The following SEMA6D variants were observed in gnomAD, a reference collection of about 807,000 sequenced individuals.
SEMA6D encodes the protein semaphorin 6D, also known as semaphorin-6D.
A neutral mutation model predicts 106.6 loss-of-function variants in SEMA6D; 35 were observed. The ratio of observed to expected loss-of-function variants is 0.33; its 90% CI spans 0.25 to 0.44. The LOEUF is 0.44. SEMA6D is among the 20% of genes least tolerant of loss of function. The probability of loss-of-function intolerance (pLI) is 1.00; values close to 1 mark genes in which losing one functional copy is unlikely to be tolerated. For synonymous variants in SEMA6D, 499 were observed against 487.7 expected (o/e 1.02, Z -0.31); for missense variants, 1,185 against 1,345.9 (o/e 0.88, Z 1.87).
At chr15:47,756,682 C>G (rs1376331574) in intron 1 of SEMA6D, among the ~76,000 whole-genome samples, 32 of 152,076 alleles carry the variant, frequency 2.1e-4, no homozygotes, top group Admixed American at 2.1e-3. Flanking sequence ...TTCAGCATAA[C>G]TAGTATCATG....
At chr15:47,564,383 G>A (rs1337781467) in intron 3 of SEMA6D, among the ~76,000 whole-genome samples, 2 of 152,180 alleles carry the variant, frequency 1.3e-5, no homozygotes, top group East Asian at 3.9e-4. Flanking sequence ...TTCTTCATTT[G>A]TGATGTGATA....
chr15:47,769,354 G>A (rs989617878), intron 18 of SEMA6D, among the ~76,000 whole-genome samples: 1 of 152,026 alleles, frequency 6.6e-6, no homozygotes, highest in Admixed American at 6.6e-5. Context: ...ACTAAACTAT[G>A]GTATCAGGTT....
At chr15:47,351,233 G>C (rs925722053) in intron 1 of SEMA6D, among the ~76,000 whole-genome samples, 5 of 152,112 alleles carry the variant, frequency 3.3e-5, no homozygotes, top group Admixed American at 3.3e-4. Context: ...GAAGAATTCT[G>C]TAAGTATGCC....
chr15:47,311,952 T>G (rs1237627137), intron 1 of SEMA6D, among the ~76,000 whole-genome samples: 4 of 152,166 alleles, frequency 2.6e-5, no homozygotes, highest in Admixed American at 2.6e-4. Context: ...GACTTTCCAG[T>G]TTGCCATCTT....
At chr15:47,243,038 C>G (rs933541669) in intron 1 of SEMA6D, among the ~76,000 whole-genome samples, 2 of 152,084 alleles carry the variant, frequency 1.3e-5, no homozygotes, top group African/African-American at 4.8e-5. Context: ...CCTGGAAACA[C>G]ACACAATCAC....
At chr15:47,207,863 A>T (rs1895179204) in intron 1 of SEMA6D, among the ~76,000 whole-genome samples, 1 of 152,080 alleles carries the variant, frequency 6.6e-6, no homozygotes, top group Non-Finnish European at 1.5e-5. Context: ...GAGGACTAAG[A>T]TGTCCATTTT....
chr15:47,378,960 A>G (rs576081795), intron 1 of SEMA6D, among the ~76,000 whole-genome samples: 4 of 152,302 alleles, frequency 2.6e-5, no homozygotes, highest in Admixed American at 6.5e-5. Flanking sequence ...TCGTTTTCCC[A>G]GATAATTCTC....
intron 1 of SEMA6D, among the ~76,000 whole-genome samples, chr15:47,191,178 C>CATATAT (rs71425589): frequency 2.8e-4 from 41 of 148,704 alleles, no homozygotes; most frequent in Admixed American, 1.6e-3. Context: ...TGTCTCAAAA[C>CATATAT]ATATATATAT....
chr15:47,269,384 G>T (rs1178622244), intron 1 of SEMA6D, among the ~76,000 whole-genome samples: 1 of 150,770 alleles, frequency 6.6e-6, no homozygotes, highest in Admixed American at 6.6e-5. Context: ...AAGAATTATA[G>T]TTAAAAAATA....
chr15:47,321,113 C>T (rs911931080), intron 1 of SEMA6D, among the ~76,000 whole-genome samples: 2 of 152,074 alleles, frequency 1.3e-5, no homozygotes, highest in African/African-American at 4.8e-5. Flanking sequence ...CAGTATTAAC[C>T]AGATAAAAAT....
At chr15:47,199,037 T>C (rs1468835470) in intron 1 of SEMA6D, among the ~76,000 whole-genome samples, 1 of 152,222 alleles carries the variant, frequency 6.6e-6, no homozygotes, top group African/African-American at 2.4e-5. Context: ...CTATTGGTTT[T>C]GCCTTTGTGC....
intron 1 of SEMA6D, among the ~76,000 whole-genome samples, chr15:47,405,040 G>A (rs1308827243): frequency 6.6e-6 from 1 of 152,094 alleles, no homozygotes; most frequent in East Asian, 1.9e-4. Flanking sequence ...GTCCCTAGGG[G>A]GAGAAGTGAG....
chr15:47,550,845 A>T lies in SEMA6D; in HGVS notation c.-86-50020A>T, dbSNP rs926433446. 6.6e-5 allele frequency among the ~76,000 whole-genome samples: 10 copies of T among 152,292 alleles called. No individual in the cohort carries two copies. The South Asian group carries it at 1.7e-3, about 25-fold the overall frequency. ...AACCTCAAGGAGCTCACAACTTGTG[A>T]TTACTGTCCCAAGCAGAAACATCCC... On this transcript the variant is annotated intron_variant, in intron 3 of 19. Transcript: ENST00000558014.
intron 3 of SEMA6D, among the ~76,000 whole-genome samples, chr15:47,545,747 A>G (rs1437847291): frequency 1.3e-5 from 2 of 152,140 alleles, no homozygotes; most frequent in African/African-American, 4.8e-5. Context: ...TCTGTTACTC[A>G]GAGGACAGAA....
intron 1 of SEMA6D, among the ~76,000 whole-genome samples, chr15:47,721,039 A>G (rs1467792558): frequency 6.6e-6 from 1 of 152,242 alleles, no homozygotes; most frequent in Non-Finnish European, 1.5e-5. Context: ...CAGTTGGGGT[A>G]TGCCAACTAG....
chr15:47,268,261 G>A (rs984511203), intron 1 of SEMA6D, among the ~76,000 whole-genome samples: 5 of 152,182 alleles, frequency 3.3e-5, no homozygotes, highest in African/African-American at 9.6e-5. Context: ...ATTCTAAAAT[G>A]CAGCAAAGTG....
intron 1 of SEMA6D, among the ~76,000 whole-genome samples, chr15:47,346,785 G>T (rs1435536139): frequency 6.6e-6 from 1 of 151,990 alleles, no homozygotes; most frequent in Admixed American, 6.6e-5. Flanking sequence ...ATTAAAAAAA[G>T]AAGTTAATAC....
intron 2 of SEMA6D, among the ~76,000 whole-genome samples, chr15:47,468,465 C>G (rs1567100915): frequency 6.6e-6 from 1 of 152,050 alleles, no homozygotes; most frequent in East Asian, 1.9e-4. Flanking sequence ...AAGCTCGGCT[C>G]TGAGAAAGGA....
chr15:47,764,233 G>T lies in SEMA6D; in HGVS notation c.1025G>T (p.Gly342Val). ...GATGACATTGAAAAAGTATTCAAAG[G>T]ACGGTTTAAGGAACAGAAAACTCCA... Reference protein sequence around the residue: ...SMDDIEKVFKGRFKEQKTPDS... With the variant: ...SMDDIEKVFKVRFKEQKTPDS... Residue 342 changes from glycine (G) to valine (V), a missense_variant, in exon 11 of 19, where the codon GGA becomes GTA. Physicochemically the swap from Gly to Val is moderately radical, Grantham distance 109. Transcript: ENST00000536845. The T allele has an allele frequency of 6.2e-7, 1 of 1,613,828 alleles. No homozygotes were observed. Among genetic ancestry groups the T allele is most frequent in the South Asian group, 1.1e-5 (1 of 91,062 alleles).
Sources: allele counts gnomAD v4.1 joint callset (sites outside exome capture counted in the v4.1 genomes callset), GRCh38; gene constraint gnomAD v4.1.1; transcripts MANE v1.5; gene names NCBI Gene and HGNC (gene_info 2026-07-23, HGNC 2026-07-21).